Variants in RXFP2 observed in about 807,000 individuals in gnomAD.
RXFP2 encodes relaxin receptor 2.
A neutral mutation model predicts 88.6 loss-of-function variants in RXFP2; 68 were observed. The ratio of observed to expected loss-of-function variants is 0.77; its 90% CI spans 0.63 to 0.94. RXFP2 has a LOEUF of 0.94. Among genes scored for constraint, RXFP2 ranks in the 40% least tolerant of loss-of-function variants. The pLI is 0.00. For missense variants in RXFP2, 791 were observed against 893.9 expected (o/e 0.88, Z 1.47); for synonymous variants, 329 against 306.8 (o/e 1.07, Z -0.76).
chr13:31,740,285 T>C (rs953736826), intron 1 of RXFP2, among the ~76,000 whole-genome samples: 5 of 152,098 alleles, frequency 3.3e-5, no homozygotes, highest in Non-Finnish European at 5.9e-5. Context: ...AGTCAAACTC[T>C]TAAGTTTCAA....
chr13:31,765,177 C>G, intron 4 of RXFP2, 35 bp downstream of exon 4: 1 of 1,282,316 alleles, frequency 7.8e-7, no homozygotes. Flanking sequence ...ATATCTGTCC[C>G]TATAGTCACA....
intron 16 of RXFP2, 150 bp downstream of exon 16, chr13:31,793,238 T>A (rs188811666): frequency 4.8e-5 from 33 of 689,368 alleles, no homozygotes; most frequent in Admixed American, 3.3e-4. Context: ...TACTATTGTG[T>A]TTATTGAAGT....
chr13:31,750,735 T>C (rs1018583639), intron 1 of RXFP2, among the ~76,000 whole-genome samples: 8 of 152,134 alleles, frequency 5.3e-5, no homozygotes, highest in Non-Finnish European at 1.0e-4. Context: ...AGCCATTGGA[T>C]TTAGTGTCAA....
chr13:31,776,144 C>T (rs150647940), intron 7 of RXFP2, among the ~76,000 whole-genome samples: 1 of 71,922 alleles, frequency 1.4e-5, no homozygotes, highest in Non-Finnish European at 2.9e-5. Context: ...CTTTCTTTCT[C>T]TTTCTCTCTC....
chr13:31,789,282 T>A (rs1215336106), intron 14 of RXFP2, 89 bp downstream of exon 14: 10 of 863,478 alleles, frequency 1.2e-5, no homozygotes, highest in African/African-American at 3.3e-5. Flanking sequence ...CTGCAATGTG[T>A]TTCTATGCAA....
chr13:31,765,258 A>G, intron 4 of RXFP2, 116 bp downstream of exon 4: 1 of 689,120 alleles, frequency 1.5e-6, no homozygotes, highest in Non-Finnish European at 2.6e-6. Context: ...GTTTAAAACT[A>G]CCAGTCATCA....
intron 11 of RXFP2, among the ~76,000 whole-genome samples, chr13:31,783,009 AAAT>A (rs1310976150): frequency 3.3e-5 from 5 of 152,240 alleles, no homozygotes; most frequent in Non-Finnish European, 5.9e-5. Context: ...GTTTGGGAGT[AAAT>A]GAGTTTTCCA....
At chr13:31,759,598 G>A (rs909382204) in intron 2 of RXFP2, among the ~76,000 whole-genome samples, 9 of 152,038 alleles carry the variant, frequency 5.9e-5, no homozygotes, top group Non-Finnish European at 1.3e-4. Context: ...GGGGTAACCA[G>A]AGACCAGATC....
Position 31,786,565 on chromosome 13 carries a change from G to C in RXFP2, c.1002-1G>C. On this transcript the variant is annotated splice_acceptor_variant, in intron 12 of 17. Coordinates refer to ENST00000298386, the MANE Select transcript of RXFP2 (RefSeq NM_130806.5). LOFTEE classifies it high-confidence loss of function. ...CTCTCATCTAATGGTAAAAAAAAAAGGAACCTGTCATCCAATCCTCTTATG... is the reference window on the plus strand; with the variant it reads ...CTCTCATCTAATGGTAAAAAAAAAACGAACCTGTCATCCAATCCTCTTATG... The C allele has an allele frequency of 7.3e-7, 1 of 1,369,546 alleles. No individual in the cohort carries two copies. Among genetic ancestry groups the C allele is most frequent in the Non-Finnish European group, 1.0e-6 (1 of 982,754 alleles). The allele number at this position is 1,369,546 out of a possible 1,614,324, so 84.8% of individuals were successfully genotyped here. A position where few individuals can be genotyped will look rare whatever the true frequency, so the allele number is the denominator to read the frequency against.
chr13:31,768,229 A>G (rs187159076), intron 5 of RXFP2, among the ~76,000 whole-genome samples: 1 of 152,170 alleles, frequency 6.6e-6, no homozygotes, highest in Admixed American at 6.5e-5. Flanking sequence ...GCTTCTCCCC[A>G]TGCAAGCTGC....
intron 10 of RXFP2, among the ~76,000 whole-genome samples, chr13:31,782,065 A>G (rs1873309060): frequency 6.6e-6 from 1 of 152,170 alleles, no homozygotes; most frequent in African/African-American, 2.4e-5. Context: ...GGTTAGCTGT[A>G]CAATGATTAG....
intron 1 of RXFP2, among the ~76,000 whole-genome samples, chr13:31,746,389 G>A (rs755048800): frequency 6.6e-6 from 1 of 152,214 alleles, no homozygotes; most frequent in Non-Finnish European, 1.5e-5. Flanking sequence ...TGGGGGCAAT[G>A]AGGACAAATT....
chr13:31,752,451 G>C (rs937384040), intron 1 of RXFP2, among the ~76,000 whole-genome samples: 6 of 152,022 alleles, frequency 3.9e-5, no homozygotes, highest in African/African-American at 1.2e-4. Context: ...AATGAAACTG[G>C]ATCAAACTTC....
chr13:31,792,910 G>A lies in RXFP2; in HGVS notation c.1608G>A (p.Arg536=), dbSNP rs758698147. The A allele has an allele frequency of 1.1e-5, 18 of 1,614,142 alleles. No individual in the cohort carries two copies. In the South Asian group the frequency reaches 2.0e-4, roughly 18 times the overall value. ...FPFSNIRPGK[R]QTSVILICIW... is the part of the protein sequence containing the mutation. ...TCAGTAACATTCGACCTGGAAAACG[G>A]CAGACCTCAGTCATCCTCATTTGCA... The change falls in exon 16 of 18, where the codon CGG becomes CGA. Residue 536 remains arginine, a synonymous_variant. Coordinates refer to ENST00000298386, the MANE Select transcript of RXFP2 (RefSeq NM_130806.5).
At chr13:31,789,734 G>T (rs547114179) in intron 14 of RXFP2, among the ~76,000 whole-genome samples, 2 of 152,138 alleles carry the variant, frequency 1.3e-5, no homozygotes, top group African/African-American at 4.8e-5. Flanking sequence ...TTTATCAACT[G>T]TGTAATCTAT....
chr13:31,770,092 T>A (rs1033892712), intron 5 of RXFP2, among the ~76,000 whole-genome samples: 2 of 152,228 alleles, frequency 1.3e-5, no homozygotes, highest in African/African-American at 4.8e-5. Context: ...CATGTAACAA[T>A]GTTTATCACA....
intron 1 of RXFP2, among the ~76,000 whole-genome samples, chr13:31,753,163 A>G (rs1871751136): frequency 6.6e-6 from 1 of 152,208 alleles, no homozygotes; most frequent in African/African-American, 2.4e-5. Flanking sequence ...ATGTAGGACT[A>G]GCATTGGCAG....
chr13:31,760,378 A>G (rs1000601025), intron 2 of RXFP2, among the ~76,000 whole-genome samples: 2 of 152,176 alleles, frequency 1.3e-5, no homozygotes, highest in African/African-American at 4.8e-5. Context: ...GGCATGAGCC[A>G]CTGCGCTTGG....
intron 1 of RXFP2, among the ~76,000 whole-genome samples, chr13:31,751,600 G>A (rs182534980): frequency 7.0e-4 from 106 of 152,292 alleles, no homozygotes; most frequent in Middle Eastern, 3.4e-3. Context: ...GTAAGTTGAT[G>A]GGAATAGAAT....
Sources: gnomAD v4.1 joint callset for allele counts (sites outside exome capture counted in the v4.1 genomes callset) on GRCh38, gnomAD v4.1.1 for gene constraint, MANE v1.5 for transcripts, NCBI Gene and HGNC (gene_info 2026-07-23, HGNC 2026-07-21) for gene names.